The following TCEANC2 variants were observed in gnomAD, a reference collection of about 807,000 sequenced individuals.
TCEANC2 encodes the protein transcription elongation factor A N-terminal and central domain containing 2.
Under a neutral mutation model 22.8 loss-of-function variants are expected in TCEANC2, and 20 were observed. The observed-to-expected ratio is 0.88, with a 90% confidence interval of 0.62 to 1.28. The LOEUF is 1.28. TCEANC2 is among the 50% of genes most tolerant of loss of function. TCEANC2 has a pLI of 0.00. For missense variants in TCEANC2, 251 were observed against 249.7 expected, an observed-to-expected ratio of 1.01 and a Z score of -0.03; for synonymous variants, 84 against 95.5, an observed-to-expected ratio of 0.88 and a Z score of 0.70.
chr1:54,108,335 C>A (rs779797533), downstream of TCEANC2, among the ~76,000 whole-genome samples: 4 of 152,168 alleles, frequency 2.6e-5, no homozygotes, highest in Non-Finnish European at 4.4e-5. Context: ...AAGTCCTCAC[C>A]CCCAGTACCC....
rs1046375848 is a variant in TCEANC2 at position 54,098,882 on chromosome 1, C to T, written c.*2409C>T. 1 of 152,184 alleles carries T rather than the reference C, an allele frequency of 6.6e-6. No homozygotes were observed. The highest frequency in any genetic ancestry group is 1.5e-5 in the Non-Finnish European group (1 of 68,062). 9.4% of individuals were successfully genotyped at this position (152,184 alleles called of 1,614,324 possible). ...TTAATTGGGTGGTTGAGATGCATGC[C>T]TGGCAGAGCAAGCAGAGTATGGAAA... On this transcript the variant is annotated 3_prime_UTR_variant, in exon 5 of 5. Transcript: ENST00000234827.
In TCEANC2 at chr1:54,104,698, T is replaced by C. The variant is rs1263857623; in HGVS notation, c.*8225T>C. On this transcript the variant is annotated 3_prime_UTR_variant, in exon 5 of 5. Coordinates refer to ENST00000234827, the MANE Select transcript of TCEANC2 (RefSeq NM_153035.3). ...CTGGGATTACAGGCATGTGCCACCA[T>C]GCCCAGCTGATTTTTGTATTTTTAG... 1 of 433,934 alleles carries C rather than the reference T, an allele frequency of 2.3e-6. No individual in the cohort carries two copies. The highest frequency in any genetic ancestry group is 1.6e-5 in the South Asian group (1 of 61,516). 26.9% of individuals were successfully genotyped at this position (433,934 alleles called of 1,614,324 possible). A position where few individuals can be genotyped will look rare whatever the true frequency, so the allele number is the denominator to read the frequency against.
At chr1:54,074,816 T>C (rs1658117809) in intron 3 of TCEANC2, among the ~76,000 whole-genome samples, 1 of 152,140 alleles carries the variant, frequency 6.6e-6, no homozygotes, top group African/African-American at 2.4e-5. Flanking sequence ...GAAGAAGATG[T>C]ATGAAAATGA....
At chr1:54,059,887 A>G (rs1220776040) in intron 2 of TCEANC2, among the ~76,000 whole-genome samples, 1 of 152,258 alleles carries the variant, frequency 6.6e-6, no homozygotes, top group Non-Finnish European at 1.5e-5. Flanking sequence ...CACAATGCTA[A>G]GTACTATAGA....
intron 3 of TCEANC2, among the ~76,000 whole-genome samples, chr1:54,072,194 G>A (rs954724182): frequency 1.3e-5 from 2 of 152,004 alleles, no homozygotes; most frequent in Admixed American, 6.6e-5. Flanking sequence ...AAGCATATTA[G>A]GTCTTCTGTT....
chr1:54,078,530 C>T (rs552845697), intron 3 of TCEANC2, among the ~76,000 whole-genome samples: 3 of 152,200 alleles, frequency 2.0e-5, no homozygotes, highest in African/African-American at 7.2e-5. Context: ...TTCTTGTATA[C>T]CTCAAATGGG....
Position 54,101,947 on chromosome 1 carries a change from G to A in TCEANC2, c.*5474G>A, listed in dbSNP as rs1658670707. 1 of 152,188 alleles carries A rather than the reference G, an allele frequency of 6.6e-6. No homozygotes were observed. The highest frequency in any genetic ancestry group is 1.5e-5 in the Non-Finnish European group (1 of 68,042). The allele number at this position is 152,188 out of a possible 1,614,324, so 9.4% of individuals were successfully genotyped here. On this transcript the variant is annotated 3_prime_UTR_variant, in exon 5 of 5. Coordinates refer to ENST00000234827, the MANE Select transcript of TCEANC2 (RefSeq NM_153035.3). ...ACTTTGCCTTGCCCAGACCATTTTT[G>A]AAAACACAAATGGGCAGGGTGCAGT...
chr1:54,109,012 A>C (rs1195508248), downstream of TCEANC2, among the ~76,000 whole-genome samples: 7 of 152,046 alleles, frequency 4.6e-5, no homozygotes, highest in Non-Finnish European at 1.0e-4. Flanking sequence ...TGCCTCCTCT[A>C]TGCCAGGCCC....
intron 2 of TCEANC2, among the ~76,000 whole-genome samples, chr1:54,068,261 G>C (rs536856173): frequency 2.0e-5 from 3 of 152,312 alleles, no homozygotes; most frequent in Non-Finnish European, 4.4e-5. Context: ...GTTACTCTCT[G>C]TATCTTTCTA....
exon 5 of TCEANC2, chr1:54,112,459 T>G (rs1226874941): frequency 6.6e-6 from 1 of 152,190 alleles, no homozygotes; most frequent in Non-Finnish European, 1.5e-5. Flanking sequence ...CTCAGTGCTT[T>G]TCATGCATTA....
intron 3 of TCEANC2, among the ~76,000 whole-genome samples, chr1:54,074,501 A>T (rs1034629989): frequency 4.6e-5 from 7 of 152,198 alleles, no homozygotes; most frequent in Non-Finnish European, 1.0e-4. Flanking sequence ...GCCTAGGATG[A>T]GTTTATAAGT....
chr1:54,062,617 T>C (rs1237647636), intron 2 of TCEANC2, among the ~76,000 whole-genome samples: 2 of 151,964 alleles, frequency 1.3e-5, no homozygotes, highest in African/African-American at 4.8e-5. Context: ...ATAATAGGAG[T>C]CTATACAAGT....
chr1:54,054,053 G>C (rs1657685960), intron 1 of TCEANC2: 2 of 311,612 alleles, frequency 6.4e-6, no homozygotes, highest in East Asian at 5.3e-5. Flanking sequence ...CCCTTTCACA[G>C]CCCAATCTTA....
At chr1:54,054,292 T>G (rs745703564) in intron 1 of TCEANC2, 89 bp from the exon 2 acceptor site, 1 of 1,477,024 alleles carries the variant, frequency 6.8e-7, no homozygotes, top group Non-Finnish European at 9.0e-7. Context: ...TCATGAATTC[T>G]TCCAGAGAAC....
At chr1:54,094,955 A>G (rs1658517156) in intron 4 of TCEANC2, among the ~76,000 whole-genome samples, 1 of 152,174 alleles carries the variant, frequency 6.6e-6, no homozygotes, top group Non-Finnish European at 1.5e-5. Flanking sequence ...TCTGGGCAAC[A>G]TAGCAAGACC....
chr1:54,059,552 G>GAAAT (rs1657812066), intron 2 of TCEANC2, among the ~76,000 whole-genome samples: 1 of 152,170 alleles, frequency 6.6e-6, no homozygotes, highest in Non-Finnish European at 1.5e-5. Context: ...AATGAATGTT[G>GAAAT]AAATGCTTTC....
At chr1:54,061,480 G>A (rs1657854850) in intron 2 of TCEANC2, among the ~76,000 whole-genome samples, 1 of 152,204 alleles carries the variant, frequency 6.6e-6, no homozygotes, top group Non-Finnish European at 1.5e-5. Context: ...GAGGATGATA[G>A]TAGTAATAAG....
chr1:54,064,889 G>A lies in TCEANC2; in HGVS notation c.103-3867G>A, dbSNP rs146752148. On this transcript the variant is annotated intron_variant, in intron 2 of 4. Coordinates refer to ENST00000234827, the MANE Select transcript of TCEANC2 (RefSeq NM_153035.3). Reference sequence around the variant, plus strand: ...TAATTTTTGTATTTTTAGTAGAGATGGGGTTTTGCCATGTCGGCCAGGCTG... The same window carrying A: ...TAATTTTTGTATTTTTAGTAGAGATAGGGTTTTGCCATGTCGGCCAGGCTG... Among the ~76,000 whole-genome samples, 965 of 151,970 alleles carry A rather than the reference G, an allele frequency of 6.3e-3. 8 individuals carry two copies. The highest frequency in any genetic ancestry group is 0.022 in the African/African-American group (915 of 41,448).
Position 54,100,665 on chromosome 1 carries a change from G to A in TCEANC2, c.*4192G>A, listed in dbSNP as rs564017344. ...AGGTGTATGGCTAGTTTCAGTAAAGGCAAATAATATGAGGTGGCTGAAGCA... is the reference window on the plus strand; with the variant it reads ...AGGTGTATGGCTAGTTTCAGTAAAGACAAATAATATGAGGTGGCTGAAGCA... On this transcript the variant is annotated 3_prime_UTR_variant, in exon 5 of 5. Coordinates refer to ENST00000234827, the MANE Select transcript of TCEANC2 (RefSeq NM_153035.3). The A allele has an allele frequency of 6.6e-6, 1 of 152,294 alleles. No individual in the cohort carries two copies. The highest frequency in any genetic ancestry group is 2.4e-5 in the African/African-American group (1 of 41,566). The allele number at this position is 152,294 out of a possible 1,614,324, so 9.4% of individuals were successfully genotyped here.
Sources: gnomAD v4.1 joint callset for allele counts (sites outside exome capture counted in the v4.1 genomes callset) on GRCh38, gnomAD v4.1.1 for gene constraint, MANE v1.5 for transcripts, NCBI Gene and HGNC (gene_info 2026-07-23, HGNC 2026-07-21) for gene names.